Variants in RAB11FIP3 observed in about 807,000 individuals in gnomAD.
RAB11FIP3 encodes rab11 family-interacting protein 3.
RAB11FIP3 carries 17 observed loss-of-function variants against 77.8 expected under a neutral mutation model. The observed-to-expected ratio is 0.22, with a 90% CI of 0.15 to 0.33. The LOEUF (loss-of-function observed/expected upper bound fraction) is 0.33. Ranked by LOEUF, RAB11FIP3 falls within the 10% of genes least tolerant of loss-of-function variation. The probability of loss-of-function intolerance (pLI) is 1.00; values close to 1 mark genes in which losing one functional copy is unlikely to be tolerated. For synonymous variants in RAB11FIP3, 437 were observed against 448.2 expected, an observed-to-expected ratio of 0.98 and a Z score of 0.31; for missense variants, 1,005 against 1,011.2, an observed-to-expected ratio of 0.99 and a Z score of 0.08.
At chr16:496,722 A>C in intron 5 of RAB11FIP3, 102 bp from the exon 6 acceptor site, 1 of 1,235,592 alleles carries the variant, frequency 8.1e-7, no homozygotes, top group Non-Finnish European at 1.2e-6. Flanking sequence ...GCATTGCTGA[A>C]AGGCCGCCCA....
At chr16:495,948 C>T (rs1596278198) in intron 5 of RAB11FIP3, among the ~76,000 whole-genome samples, 1 of 152,144 alleles carries the variant, frequency 6.6e-6, no homozygotes. Context: ...CAGGGTTTCT[C>T]CACGTTGGCC....
chr16:449,196 C>G (rs561039287), intron 1 of RAB11FIP3, among the ~76,000 whole-genome samples: 1 of 152,168 alleles, frequency 6.6e-6, no homozygotes, highest in Non-Finnish European at 1.5e-5. Flanking sequence ...CTCCTCCAGG[C>G]CTGTGCAGTA....
chr16:505,654 C>T lies in RAB11FIP3; in HGVS notation c.1499+27C>T. 1.3e-6 allele frequency: 2 copies of T among 1,539,324 alleles called. No individual in the cohort carries two copies. The highest frequency in any genetic ancestry group is 1.8e-6 in the Non-Finnish European group (2 of 1,141,946). On this transcript the variant is annotated intron_variant, in intron 8 of 13. Transcript: ENST00000262305. This position sits in a 1 kb window ranked among gnomAD's most constrained non-coding sequence, Gnocchi z 4.0. ...TGAGCCTGGGCCAGGAGACCCGGGC[C>T]TCTGCGTGGCGCCTCCTGTGCCCGC... is the stretch of plus-strand genomic sequence containing the variant.
chr16:477,714 G>A (rs2055947576), intron 3 of RAB11FIP3: 3 of 972,072 alleles, frequency 3.1e-6, no homozygotes, highest in Middle Eastern at 5.3e-4. Flanking sequence ...GGATGTTACA[G>A]TGGATGCTCT....
At chr16:500,853 C>T (rs1414468902) in intron 6 of RAB11FIP3, among the ~76,000 whole-genome samples, 4 of 152,122 alleles carry the variant, frequency 2.6e-5, no homozygotes, top group African/African-American at 7.2e-5. Flanking sequence ...GAAGTGCCTA[C>T]GCCTCTAGGA....
At chr16:428,302 C>T (rs1393337822) in intron 1 of RAB11FIP3, among the ~76,000 whole-genome samples, 1 of 152,188 alleles carries the variant, frequency 6.6e-6, no homozygotes, top group Non-Finnish European at 1.5e-5. Context: ...TGATACTTTC[C>T]TGTATGGTCA....
intron 8 of RAB11FIP3, among the ~76,000 whole-genome samples, chr16:508,034 C>A (rs1350061187): frequency 6.6e-6 from 1 of 152,218 alleles, no homozygotes; most frequent in Non-Finnish European, 1.5e-5. Context: ...CCCACGTTTT[C>A]TTCTGTTTTG....
intron 9 of RAB11FIP3, 47 bp from the exon 10 acceptor site, chr16:518,896 G>C: frequency 6.2e-7 from 1 of 1,600,046 alleles, no homozygotes; most frequent in Middle Eastern, 1.7e-4. Flanking sequence ...TGGCCCTGTA[G>C]AGGCGAGCTT....
rs377466185 is a variant in RAB11FIP3 at position 455,672 on chromosome 16, T to A, written c.715-5732T>A. Among the ~76,000 whole-genome samples, 82 of 152,206 alleles carry A rather than the reference T, an allele frequency of 5.4e-4. 1 individual carries two copies. Among genetic ancestry groups the A allele is most frequent in the South Asian group, 2.9e-3 (14 of 4,830 alleles). On this transcript the variant is annotated intron_variant, in intron 1 of 13. Transcript: ENST00000262305. ...ATGCAGTGACGCAATCATGGCTCGC[T>A]GCAGCCTCAACCTCCCAGGCTCAGG...
Position 521,045 on chromosome 16 carries a change from A to C in RAB11FIP3, c.*206A>C. The C allele has an allele frequency of 1.7e-6, 1 of 592,984 alleles. No individual in the cohort carries two copies. The highest frequency in any genetic ancestry group is 3.0e-6 in the Non-Finnish European group (1 of 332,270). The allele number at this position is 592,984 out of a possible 1,614,324, so 36.7% of individuals were successfully genotyped here. On this transcript the variant is annotated 3_prime_UTR_variant, in exon 14 of 14. Coordinates refer to ENST00000262305, the MANE Select transcript of RAB11FIP3 (RefSeq NM_014700.4). ...GGTGGAGAGGAGAGGGAGAAAGGGAAGTCCCAGGGCCCGGGGTCCACAGAG... is the reference window on the plus strand; with the variant it reads ...GGTGGAGAGGAGAGGGAGAAAGGGACGTCCCAGGGCCCGGGGTCCACAGAG...
chr16:448,763 A>G (rs1450426868), intron 1 of RAB11FIP3, among the ~76,000 whole-genome samples: 3 of 150,572 alleles, frequency 2.0e-5, no homozygotes, highest in Admixed American at 2.0e-4. Flanking sequence ...AAAAAATACA[A>G]AATTAGCCGG....
intron 1 of RAB11FIP3, among the ~76,000 whole-genome samples, chr16:447,936 T>C (rs1270454642): frequency 6.6e-6 from 1 of 151,906 alleles, no homozygotes; most frequent in Non-Finnish European, 1.5e-5. Context: ...CACAATGAAT[T>C]GTGAAAAATA....
Position 439,520 on chromosome 16 carries a change from G to A in RAB11FIP3, c.714+12800G>A, listed in dbSNP as rs144651204. On this transcript the variant is annotated intron_variant, in intron 1 of 13. Coordinates refer to ENST00000262305, the MANE Select transcript of RAB11FIP3 (RefSeq NM_014700.4). ...TCCTGTGTGTGCCACTAAAACCGGC[G>A]TCCTAGCTCTTCAGCCTTTAGGTCT... is the stretch of plus-strand genomic sequence containing the variant. The A allele has an allele frequency of 3.1e-4, 47 of 152,314 alleles. 1 individual carries two copies. The highest frequency in any genetic ancestry group is 9.6e-4 in the African/African-American group (40 of 41,572). 9.4% of individuals were successfully genotyped at this position (152,314 alleles called of 1,614,324 possible). A position where few individuals can be genotyped will look rare whatever the true frequency, so the allele number is the denominator to read the frequency against.
intron 1 of RAB11FIP3, among the ~76,000 whole-genome samples, chr16:455,502 C>T (rs1022566013): frequency 7.3e-5 from 11 of 151,538 alleles, no homozygotes; most frequent in African/African-American, 1.9e-4. Flanking sequence ...TTGAGAACCG[C>T]GCACACTCTC....
At chr16:485,876 A>G (rs2056144282) in intron 4 of RAB11FIP3, among the ~76,000 whole-genome samples, 2 of 151,944 alleles carry the variant, frequency 1.3e-5, no homozygotes, top group Admixed American at 6.6e-5. Flanking sequence ...TCATATTCAG[A>G]TCTGTGATCG....
chr16:437,112 T>C (rs2055142575), intron 1 of RAB11FIP3, among the ~76,000 whole-genome samples: 1 of 151,206 alleles, frequency 6.6e-6, no homozygotes, highest in Non-Finnish European at 1.5e-5. Context: ...ACCCTGTCCC[T>C]ACTAAAAATA....
intron 3 of RAB11FIP3, among the ~76,000 whole-genome samples, chr16:476,120 T>C (rs2055903270): frequency 6.6e-6 from 1 of 152,218 alleles, no homozygotes; most frequent in Non-Finnish European, 1.5e-5. Flanking sequence ...CCTCCCAAAG[T>C]GCTGGGATTA....
intron 5 of RAB11FIP3, among the ~76,000 whole-genome samples, chr16:492,179 T>C (rs1202652890): frequency 9.2e-5 from 14 of 152,196 alleles, no homozygotes. Context: ...CTGCCTCTAG[T>C]TCCATTTCCA....
At chr16:491,583 T>G (rs997050940) in intron 5 of RAB11FIP3, among the ~76,000 whole-genome samples, 1 of 152,214 alleles carries the variant, frequency 6.6e-6, no homozygotes, top group African/African-American at 2.4e-5. Flanking sequence ...ATTGAGCTCA[T>G]GAGACAGAAT....
Sources: gnomAD v4.1 joint callset for allele counts (sites outside exome capture counted in the v4.1 genomes callset) on GRCh38, gnomAD v4.1.1 for gene constraint, Gnocchi (gnomAD v3.1) non-coding constraint, MANE v1.5 for transcripts, NCBI Gene and HGNC (gene_info 2026-07-23, HGNC 2026-07-21) for gene names.